TCHH: variants seen among roughly 807,000 people sequenced by gnomAD.
TCHH encodes trichohyalin.
In TCHH, 6 loss-of-function variants were observed where a neutral mutation model predicts 6.3. That is an observed-to-expected ratio of 0.95 (90% CI 0.52 to 1.88). The LOEUF is 1.88. Ranked by LOEUF, TCHH falls within the 40% of genes most tolerant of loss-of-function variation. The probability of loss-of-function intolerance (pLI) is 0.01; values close to 1 mark genes in which losing one functional copy is unlikely to be tolerated. For synonymous variants in TCHH, 1,087 were observed against 963.6 expected, an observed-to-expected ratio of 1.13 and a Z score of -2.37; for missense variants, 2,920 against 2,449.1, an observed-to-expected ratio of 1.19 and a Z score of -4.06.
Position 152,107,390 on chromosome 1 carries a change from G to A in TCHH, c.5827C>T (p.Pro1943Ser). 1 of 1,554,778 alleles carries A rather than the reference G, an allele frequency of 6.4e-7. No individual in the cohort carries two copies. The highest frequency in any genetic ancestry group is 8.7e-7 in the Non-Finnish European group (1 of 1,151,854). ...CAAGATATTGGCAACATCACTTAAG[G>A]GCGGTATTGAGATCTCTGCTCTTGG... Reference protein sequence around the residue: ...YIQEQRSQYRP With the variant: ...YIQEQRSQYRS Residue 1943 changes from proline (P) to serine (S), a missense_variant, in exon 3 of 3, where the codon CCT (proline) becomes TCT (serine). Coordinates refer to ENST00000614923, the MANE Select transcript of TCHH (RefSeq NM_007113.4).
chr1:152,113,144 A>G (rs1658433493), intron 2 of TCHH, 66 bp from the exon 3 acceptor site: 1 of 1,400,854 alleles, frequency 7.1e-7, no homozygotes, highest in Non-Finnish European at 9.7e-7. Flanking sequence ...TTATATTCAC[A>G]CATGATATAT....
intron 1 of TCHH, among the ~76,000 whole-genome samples, chr1:152,114,503 G>A (rs1167545785): frequency 6.6e-6 from 1 of 152,310 alleles, no homozygotes; most frequent in East Asian, 1.9e-4. Context: ...ACAGGTAAAA[G>A]CCAAAAGGTG....
chr1:152,109,248 C>T lies in TCHH; in HGVS notation c.3969G>A (p.Glu1323=), dbSNP rs760610905. ...KSQEEKQLLR[E]EREEKRRRQE... ...GACGGCGTCTCTTCTCTTCTCTTTC[C>T]TCTCTCAGCAACTGCTTTTCCTCTT... Residue 1323 remains glutamate, a synonymous_variant, in exon 3 of 3, where the codon GAG becomes GAA. Transcript: ENST00000614923. The T allele has an allele frequency of 1.9e-5, 30 of 1,614,094 alleles. No homozygotes were observed. The highest frequency in any genetic ancestry group is 5.0e-5 in the Admixed American group (3 of 60,010).
rs368247283 is a variant in TCHH at position 152,112,547 on chromosome 1, C to G, written c.670G>C (p.Glu224Gln). The change falls in exon 3 of 3, where the codon GAG becomes CAG. Residue 224 changes from glutamate to glutamine, a missense_variant. Physicochemically the swap from Glu to Gln is conservative, Grantham distance 29 (BLOSUM62 2). Coordinates refer to ENST00000614923, the MANE Select transcript of TCHH (RefSeq NM_007113.4). ...TCTCGCCTTTGCTGCTGTTTCTCCT[C>G]GCGGCCCTTCCTCCTCAGCTCCAGC... ...ELLELRRKGR[E>Q]EKQQQRRERQ... 12 of 1,613,476 alleles carry G rather than the reference C, an allele frequency of 7.4e-6. No individual in the cohort carries two copies. The South Asian group carries it at 1.1e-4, about 15-fold the overall frequency.
rs752593333 is a variant in TCHH at position 152,107,921 on chromosome 1, G to T, written c.5296C>A (p.Arg1766Ser). 1.2e-6 allele frequency: 2 copies of T among 1,613,888 alleles called. No individual in the cohort carries two copies. The highest frequency in any genetic ancestry group is 2.7e-5 in the African/African-American group (2 of 74,842). The change falls in exon 3 of 3, where the codon CGC becomes AGC. Residue 1766 changes from arginine (R) to serine (S), a missense_variant. Physicochemically the swap from Arg to Ser is moderately radical, Grantham distance 110. Transcript: ENST00000614923. Reference protein sequence around the residue: ...RPEREEQQLRRQERDRKFREE... With the variant: ...RPEREEQQLRSQERDRKFREE... ...CGGAATTTTCTGTCGCGCTCCTGGC[G>T]GCGCAGCTGCTGTTCTTCCCTTTCC...
chr1:152,112,668 C>G lies in TCHH; in HGVS notation c.549G>C (p.Arg183=). The G allele has an allele frequency of 6.2e-7, 1 of 1,614,090 alleles. No individual in the cohort carries two copies. Among genetic ancestry groups the G allele is most frequent in the Non-Finnish European group, 8.5e-7 (1 of 1,180,030 alleles). Residue 183 remains arginine, a synonymous_variant, in exon 3 of 3, where the codon CGG becomes CGC. Transcript: ENST00000614923. ...GCTCTTCCTCTGCACGGCGCTCTTC[C>G]CGTTCTTGCCATTCTTGCCTTTGCC... ...LWRQRQEWQE[R]EERRAEEEQL...
At chr1:152,113,212 G>A in intron 2 of TCHH, 134 bp from the exon 3 acceptor site, 2 of 924,302 alleles carry the variant, frequency 2.2e-6, no homozygotes, top group East Asian at 5.3e-5. Context: ...TGTCCAGTGT[G>A]TATCAAGTTT....
Position 152,106,948 on chromosome 1 carries a change from A to G in TCHH, c.*437T>C, listed in dbSNP as rs1346683354. 1 of 155,024 alleles carries G rather than the reference A, an allele frequency of 6.5e-6. No individual in the cohort carries two copies. The highest frequency in any genetic ancestry group is 2.4e-5 in the African/African-American group (1 of 41,518). 9.6% of individuals were successfully genotyped at this position (155,024 alleles called of 1,614,324 possible). On this transcript the variant is annotated 3_prime_UTR_variant, in exon 3 of 3. Transcript: ENST00000614923. Reference sequence around the variant, plus strand: ...GGCAATGATCAATTTAGGTTCAAGAAGAAATAGCAACTTGAACATTAAAAG... The same window carrying G: ...GGCAATGATCAATTTAGGTTCAAGAGGAAATAGCAACTTGAACATTAAAAG...
Position 152,108,237 on chromosome 1 carries a change from C to T in TCHH, c.4980G>A (p.Gln1660=), listed in dbSNP as rs548422453. Residue 1660 remains glutamine, a synonymous_variant, in exon 3 of 3, where the codon CAG becomes CAA. Transcript: ENST00000614923. The part of the protein sequence containing the change: ...PQLRRQEREQ[Q]LRHDRDRKFR... The stretch of plus-strand genomic sequence containing the variant: ...ATTTTCTGTCGCGGTCGTGACGCAG[C>T]TGTTGTTCGCGCTCCTGGCGGCGCA... 3 of 1,604,208 alleles carry T rather than the reference C, an allele frequency of 1.9e-6. No homozygotes were observed. Among genetic ancestry groups the T allele is most frequent in the East Asian group, 2.3e-5 (1 of 44,272 alleles).
Position 152,108,779 on chromosome 1 carries a change from G to A in TCHH, c.4438C>T (p.Arg1480Cys), listed in dbSNP as rs747207218. 34 of 1,613,318 alleles carry A rather than the reference G, an allele frequency of 2.1e-5. No individual in the cohort carries two copies. Among genetic ancestry groups the A allele is most frequent in the Non-Finnish European group, 2.7e-5 (32 of 1,179,896 alleles). ...AGGAATTTTCTGTCACGCTCTTGGC[G>A]GTGCAGCTGCTGTTCTTCCCTTTCC... ...LQEREEQQLH[R>C]QERDRKFLEE... Residue 1480 changes from arginine to cysteine, a missense_variant, in exon 3 of 3, where the codon CGC (arginine) becomes TGC (cysteine). Coordinates refer to ENST00000614923, the MANE Select transcript of TCHH (RefSeq NM_007113.4).
In TCHH at chr1:152,112,625, C is replaced by G; in HGVS notation, c.592G>C (p.Gly198Arg). Residue 198 changes from glycine (G) to arginine (R), a missense_variant, in exon 3 of 3, where the codon GGT (glycine) becomes CGT (arginine). Coordinates refer to ENST00000614923, the MANE Select transcript of TCHH (RefSeq NM_007113.4). ...AEEEQLQSCK[G>R]HETEEFPDEE... is the part of the protein sequence containing the mutation. ...TCTGGAAACTCCTCAGTTTCGTGAC[C>G]TTTGCAACTCTGCAGCTGCTCTTCC... is the stretch of plus-strand genomic sequence containing the variant. 6 of 1,613,434 alleles carry G rather than the reference C, an allele frequency of 3.7e-6. No homozygotes were observed. Among genetic ancestry groups the G allele is most frequent in the Non-Finnish European group, 4.2e-6 (5 of 1,179,918 alleles).
Position 152,110,768 on chromosome 1 carries a change from T to C in TCHH, c.2449A>G (p.Lys817Glu), listed in dbSNP as rs773775935. Residue 817 changes from lysine (K) to glutamate (E), a missense_variant, in exon 3 of 3, where the codon AAG becomes GAG. Physicochemically the swap from Lys to Glu is moderately conservative, Grantham distance 56 (BLOSUM62 1). Transcript: ENST00000614923. Reference protein sequence around the residue: ...EQRFLPEEEEKEQRRRQRRER... With the variant: ...EQRFLPEEEEEEQRRRQRRER... ...CGTCGCTGGCGGCGCCGCTGCTCCT[T>C]CTCCTCCTCCTCCGGGAGAAACCGT... 25 of 1,606,836 alleles carry C rather than the reference T, an allele frequency of 1.6e-5. No homozygotes were observed. The highest frequency in any genetic ancestry group is 2.0e-5 in the Non-Finnish European group (24 of 1,179,542).
rs767957190 is a variant in TCHH at position 152,109,348 on chromosome 1, T to C, written c.3869A>G (p.Asp1290Gly). 3.1e-6 allele frequency: 5 copies of C among 1,614,136 alleles called. No homozygotes were observed. In the East Asian group the frequency reaches 8.9e-5, roughly 29 times the overall value. Residue 1290 changes from aspartate (D) to glycine (G), a missense_variant, in exon 3 of 3, where the codon GAC (aspartate) becomes GGC (glycine). Coordinates refer to ENST00000614923, the MANE Select transcript of TCHH (RefSeq NM_007113.4). Reference sequence around the variant, plus strand: ...CTGTTCTTCCTCTGGGAAATGCCTGTCGCGCTGCTGCCAGCGCCTCCTCTC... The same window carrying C: ...CTGTTCTTCCTCTGGGAAATGCCTGCCGCGCTGCTGCCAGCGCCTCCTCTC... ...EQERRRWQQR[D>G]RHFPEEEQLE... is the part of the protein sequence containing the mutation.
rs781778354 is a variant in TCHH, at chr1:152,108,605, G to A, written c.4612C>T (p.Gln1538Ter). ...CCGCGCTCCTGGCGGCGCAGCTGCT[G>A]TTCCTCCTGGAGGAATTTTCTCTGC... ...QRQRKFLQEE[Q>*]QLRRQERGQQ... The change falls in exon 3 of 3, where the codon CAG becomes TAG. Residue 1538 changes from glutamine (Q) to a stop codon, truncating the protein, a stop_gained. Coordinates refer to ENST00000614923, the MANE Select transcript of TCHH (RefSeq NM_007113.4). LOFTEE classifies it low-confidence loss of function (END_TRUNC). 17 of 1,601,068 alleles carry A rather than the reference G, an allele frequency of 1.1e-5. No homozygotes were observed. The highest frequency in any genetic ancestry group is 1.4e-5 in the Non-Finnish European group (17 of 1,174,920).
chr1:152,107,119 T>G lies in TCHH; in HGVS notation c.*266A>C. On this transcript the variant is annotated 3_prime_UTR_variant, in exon 3 of 3. Transcript: ENST00000614923. ...AAAATTTCTTAAACAAATTAAATGA[T>G]TTATATTTTTTTTAAATGCACACCA... 2 of 320,860 alleles carry G rather than the reference T, an allele frequency of 6.2e-6. No homozygotes were observed. The highest frequency in any genetic ancestry group is 1.1e-5 in the Non-Finnish European group (2 of 177,518). The allele number at this position is 320,860 out of a possible 1,614,324, so 19.9% of individuals were successfully genotyped here.
At position 152,113,753 on chromosome 1, in the gene TCHH, A is replaced by G. The variant is rs142353639; in HGVS notation, c.138+190T>C. Among the ~76,000 whole-genome samples the G allele has an allele frequency of 2.5e-3, 377 of 152,340 alleles. 2 individuals are homozygous for G. Among genetic ancestry groups the G allele is most frequent in the Non-Finnish European group, 4.1e-3 (278 of 68,020 alleles). Reference sequence around the variant, plus strand: ...TTCACATGGCCATGCCATCAAGTACATGAAATACTTTATTATTCAGACTAC... The same window carrying G: ...TTCACATGGCCATGCCATCAAGTACGTGAAATACTTTATTATTCAGACTAC... On this transcript the variant is annotated intron_variant, in intron 2 of 2. Transcript: ENST00000614923.
rs747930171 is a variant in TCHH, at chr1:152,111,299, C to T, written c.1918G>A (p.Glu640Lys). The T allele has an allele frequency of 1.9e-6, 3 of 1,591,068 alleles. No individual in the cohort carries two copies. In the African/African-American group the frequency reaches 4.2e-5, roughly 22 times the overall value. The change falls in exon 3 of 3, where the codon GAG (glutamate) becomes AAG (lysine). Residue 640 changes from glutamate (E) to lysine (K), a missense_variant. Transcript: ENST00000614923. ...CTTAGTTGCTGCTGGCGCCTCTCCT[C>T]CTGCTCCTCGCTCTTCAGCAGCTGC... ...RQQLLKSEEQ[E>K]ERRQQQLRRE...
At chr1:152,113,110 A>G (rs1215228843) in intron 2 of TCHH, 32 bp from the exon 3 acceptor site, 1 of 1,543,890 alleles carries the variant, frequency 6.5e-7, no homozygotes, top group African/African-American at 1.4e-5. Context: ...AAATTTTACA[A>G]TGCACTATTT....
At chr1:152,113,450 A>G (rs1222543598) in intron 2 of TCHH, among the ~76,000 whole-genome samples, 2 of 152,230 alleles carry the variant, frequency 1.3e-5, no homozygotes, top group African/African-American at 4.8e-5. Context: ...AAGAAAGAAT[A>G]ACACAAGTTC....
Sources: allele counts gnomAD v4.1 joint callset (sites outside exome capture counted in the v4.1 genomes callset), GRCh38; gene constraint gnomAD v4.1.1; transcripts MANE v1.5; gene names NCBI Gene and HGNC (gene_info 2026-07-23, HGNC 2026-07-21).